Variants in CEP112 observed in about 807,000 individuals in gnomAD.
The protein encoded by CEP112 is centrosomal protein of 112 kDa.
Under a neutral mutation model 153.0 loss-of-function variants are expected in CEP112, and 127 were observed. That is an observed-to-expected ratio of 0.83 (90% CI 0.72 to 0.96). The LOEUF (loss-of-function observed/expected upper bound fraction) is 0.96, where lower values mean the gene tolerates loss of function less well. Ranked by LOEUF, CEP112 falls within the 40% of genes least tolerant of loss-of-function variation. The pLI, the probability that CEP112 is intolerant of heterozygous loss-of-function variation, is 0.00. For synonymous variants in CEP112, 358 were observed against 374.4 expected (o/e 0.96, Z 0.51); for missense variants, 1,089 against 1,101.2 (o/e 0.99, Z 0.16).
intron 21 of CEP112, among the ~76,000 whole-genome samples, chr17:65,811,755 T>A (rs1217718408): frequency 1.3e-5 from 2 of 152,210 alleles, no homozygotes; most frequent in Non-Finnish European, 2.9e-5. Context: ...ACAAGTGAAG[T>A]GTTATTTAAA....
At chr17:66,101,879 C>G (rs2068583357) in intron 6 of CEP112, among the ~76,000 whole-genome samples, 1 of 151,804 alleles carries the variant, frequency 6.6e-6, no homozygotes, top group Non-Finnish European at 1.5e-5. Context: ...TTCGGACTAG[C>G]TAAATGAAAT....
chr17:65,708,710 A>G (rs530488316), intron 23 of CEP112, among the ~76,000 whole-genome samples: 2 of 152,340 alleles, frequency 1.3e-5, no homozygotes, highest in South Asian at 4.1e-4. Flanking sequence ...GTTTTAAAAC[A>G]TTTAGATCGT....
chr17:65,959,073 G>C (rs891796284), intron 18 of CEP112, among the ~76,000 whole-genome samples: 1 of 152,038 alleles, frequency 6.6e-6, no homozygotes, highest in African/African-American at 2.4e-5. Flanking sequence ...CCTACTCTCT[G>C]CTGAGGGCTG....
chr17:65,870,448 C>T (rs542124889), intron 20 of CEP112, among the ~76,000 whole-genome samples: 4 of 151,938 alleles, frequency 2.6e-5, no homozygotes, highest in Non-Finnish European at 5.9e-5. Flanking sequence ...ATCTACTACA[C>T]GTAAAATAGC....
At chr17:66,074,873 G>GAAAAAAAAAAAAAAAAA (rs1242846957) in intron 8 of CEP112, among the ~76,000 whole-genome samples, 6 of 91,274 alleles carry the variant, frequency 6.6e-5, no homozygotes, top group Admixed American at 2.3e-4. Context: ...AAAAAAAAAA[G>GAAAAAAAAAAAAAAAAA]AAAAAAAAAA....
At chr17:66,139,648 A>T (rs1240233694) in intron 4 of CEP112, among the ~76,000 whole-genome samples, 16 of 152,146 alleles carry the variant, frequency 1.1e-4, no homozygotes, top group Non-Finnish European at 2.4e-4. Context: ...GTAAGAAAGT[A>T]CTATGAGCAA....
At chr17:66,044,248 TAAAC>T (rs995046581) in intron 12 of CEP112, among the ~76,000 whole-genome samples, 38 of 151,888 alleles carry the variant, frequency 2.5e-4, no homozygotes, top group Non-Finnish European at 2.9e-5. Flanking sequence ...ACCTATGCAA[TAAAC>T]ATCAAAGCAA....
At chr17:66,152,101 A>G (rs1250666678) in intron 4 of CEP112, among the ~76,000 whole-genome samples, 1 of 152,174 alleles carries the variant, frequency 6.6e-6, no homozygotes, top group Non-Finnish European at 1.5e-5. Flanking sequence ...TAGATAATAC[A>G]GATTTTGGTA....
At chr17:65,640,311 G>A (rs558397984) in intron 25 of CEP112, among the ~76,000 whole-genome samples, 58 of 151,376 alleles carry the variant, frequency 3.8e-4, no homozygotes, top group Non-Finnish European at 5.2e-4. Flanking sequence ...GGGCCACCAC[G>A]CCCCGCTAAT....
intron 21 of CEP112, chr17:65,826,077 T>C: frequency 6.5e-7 from 1 of 1,536,648 alleles, no homozygotes; most frequent in East Asian, 2.2e-5. Context: ...AGCTCAGCAA[T>C]GAGATTTATT....
At chr17:66,051,351 TTTA>T (rs151111634) in intron 12 of CEP112, among the ~76,000 whole-genome samples, 7,754 of 149,466 alleles carry the variant, frequency 0.052, 240 homozygotes, top group Non-Finnish European at 0.069. Flanking sequence ...GATCTGAGTG[TTTA>T]TTATTGTGTA....
intron 17 of CEP112, among the ~76,000 whole-genome samples, chr17:65,972,366 T>A (rs1202061104): frequency 6.6e-6 from 1 of 152,124 alleles, no homozygotes; most frequent in Non-Finnish European, 1.5e-5. Context: ...AAAACAAATA[T>A]CAAAATTAGA....
In CEP112 at chr17:66,172,226, A is replaced by G. The variant is rs568430773; in HGVS notation, c.470+2818T>C. ...AATATAGCAAATACAGCAAACAGCA[A>G]AAACACAAGTTCCTACCTCATGAAA... On this transcript the variant is annotated intron_variant, in intron 4 of 26. Coordinates refer to ENST00000535342, the MANE Select transcript of CEP112 (RefSeq NM_001199165.4). Among the ~76,000 whole-genome samples the G allele has an allele frequency of 7.2e-5, 11 of 152,352 alleles. No homozygotes were observed. In the South Asian group the frequency reaches 2.3e-3, roughly 32 times the overall value.
At chr17:66,165,130 C>T (rs2071897070) in intron 4 of CEP112, among the ~76,000 whole-genome samples, 1 of 149,522 alleles carries the variant, frequency 6.7e-6, no homozygotes, top group African/African-American at 2.5e-5. Context: ...CCATTCCTAC[C>T]CCACATCCCC....
Position 66,053,395 on chromosome 17 carries a change from G to T in CEP112, c.1218+341C>A, listed in dbSNP as rs368720873. Among the ~76,000 whole-genome samples, 498 of 151,974 alleles carry T rather than the reference G, an allele frequency of 3.3e-3. 4 individuals carry two copies. Among genetic ancestry groups the T allele is most frequent in the African/African-American group, 0.012 (485 of 41,488 alleles). On this transcript the variant is annotated intron_variant, in intron 12 of 26. Coordinates refer to ENST00000535342, the MANE Select transcript of CEP112 (RefSeq NM_001199165.4). ...GGCACCTGTAATCCCAGCTACTCAG[G>T]AGGATAGTTTGAACCCAGGAGGCGG... is the stretch of plus-strand genomic sequence containing the variant.
intron 17 of CEP112, among the ~76,000 whole-genome samples, chr17:65,963,380 C>T (rs1167411948): frequency 2.6e-5 from 4 of 152,046 alleles, no homozygotes; most frequent in Non-Finnish European, 4.4e-5. Flanking sequence ...AAGACTTGGG[C>T]AAAAAGTAAT....
intron 20 of CEP112, among the ~76,000 whole-genome samples, chr17:65,862,191 T>C (rs1239491398): frequency 6.6e-6 from 1 of 152,198 alleles, no homozygotes; most frequent in Non-Finnish European, 1.5e-5. Flanking sequence ...CATTATTAGG[T>C]AACTATCAAC....
intron 12 of CEP112, among the ~76,000 whole-genome samples, chr17:66,051,061 C>A (rs1213191201): frequency 1.3e-5 from 2 of 152,048 alleles, no homozygotes; most frequent in Non-Finnish European, 2.9e-5. Context: ...CTCACTGCAA[C>A]CTTGACCTAA....
chr17:65,833,128 C>CA (rs1468362815), intron 21 of CEP112, among the ~76,000 whole-genome samples: 3 of 151,742 alleles, frequency 2.0e-5, no homozygotes, highest in Non-Finnish European at 2.9e-5. Flanking sequence ...TCAGTAGATG[C>CA]AAAAAAAGGC....
Sources: allele counts gnomAD v4.1 joint callset (sites outside exome capture counted in the v4.1 genomes callset), GRCh38; gene constraint gnomAD v4.1.1; transcripts MANE v1.5; gene names NCBI Gene and HGNC (gene_info 2026-07-23, HGNC 2026-07-21).